Variants in LINGO2 observed in about 807,000 individuals in gnomAD.
LINGO2 encodes the protein leucine rich repeat and Ig domain containing 2.
Under a neutral mutation model 30.6 loss-of-function variants are expected in LINGO2, and 14 were observed. The observed-to-expected ratio is 0.46, with a 90% confidence interval of 0.30 to 0.72. The LOEUF (loss-of-function observed/expected upper bound fraction) is 0.72. Ranked by LOEUF, LINGO2 falls within the 30% of genes least tolerant of loss-of-function variation. The pLI is 0.07. For synonymous variants in LINGO2, 317 were observed against 288.5 expected (o/e 1.10, Z -1.00); for missense variants, 729 against 751.7 (o/e 0.97, Z 0.35).
chr9:28,878,709 A>T, the LINGO2 span, among the ~76,000 whole-genome samples: 1 of 152,180 alleles, frequency 6.6e-6, no homozygotes, highest in African/African-American at 2.4e-5. Context: ...AATGTAATCC[A>T]GCATATAAAC....
At chr9:28,193,985 G>T (rs1462167524) in intron 4 of LINGO2, among the ~76,000 whole-genome samples, 1 of 152,112 alleles carries the variant, frequency 6.6e-6, no homozygotes. Context: ...AAGTGGAATT[G>T]TATGGCATTT....
At chr9:28,144,921 T>C (rs1827771661) in intron 4 of LINGO2, among the ~76,000 whole-genome samples, 1 of 152,198 alleles carries the variant, frequency 6.6e-6, no homozygotes, top group Non-Finnish European at 1.5e-5. Context: ...TCATTTAGTC[T>C]AGTGGGGTGG....
chr9:28,464,293 G>T (rs1288819085), intron 2 of LINGO2, among the ~76,000 whole-genome samples: 1 of 152,102 alleles, frequency 6.6e-6, no homozygotes, highest in East Asian at 1.9e-4. Flanking sequence ...CAAGAAAGTA[G>T]TTATAATCAG....
chr9:28,615,701 T>C (rs1283736082), intron 1 of LINGO2, among the ~76,000 whole-genome samples: 2 of 152,200 alleles, frequency 1.3e-5, no homozygotes, highest in Admixed American at 6.5e-5. Flanking sequence ...TCCACTGGAT[T>C]GGTATCTTTA....
chr9:28,109,211 A>C (rs773565358), intron 4 of LINGO2, among the ~76,000 whole-genome samples: 1 of 152,222 alleles, frequency 6.6e-6, no homozygotes, highest in Admixed American at 6.5e-5. Flanking sequence ...CATGTTAAAA[A>C]CACTCAATAA....
At chr9:29,086,381 G>GTT in the LINGO2 span, among the ~76,000 whole-genome samples, 30,126 of 150,978 alleles carry the variant, frequency 0.2, 3,099 homozygotes, top group South Asian at 0.25. Flanking sequence ...CTTTATCAAG[G>GTT]TTTTTTTTGG....
At chr9:27,959,245 T>TTG (rs142904325) in intron 5 of LINGO2, among the ~76,000 whole-genome samples, 26,906 of 151,930 alleles carry the variant, frequency 0.18, 5,878 homozygotes, top group African/African-American at 0.51. Flanking sequence ...ATTTTCTCTA[T>TTG]TGTGTCTTTT....
chr9:28,960,529 T>C, the LINGO2 span, among the ~76,000 whole-genome samples: 1 of 150,398 alleles, frequency 6.6e-6, no homozygotes, highest in African/African-American at 2.4e-5. Context: ...AAAATGTCTC[T>C]GTGTGTTGTG....
At chr9:28,697,161 C>T in the LINGO2 span, among the ~76,000 whole-genome samples, 2 of 151,918 alleles carry the variant, frequency 1.3e-5, no homozygotes, top group African/African-American at 2.4e-5. Context: ...CATGGGAACT[C>T]ACAAGGCAAC....
At chr9:28,949,700 A>G in the LINGO2 span, among the ~76,000 whole-genome samples, 1 of 152,180 alleles carries the variant, frequency 6.6e-6, no homozygotes, top group South Asian at 2.1e-4. Flanking sequence ...AGCTGGTACC[A>G]TTCCTTCTGA....
At chr9:29,112,527 T>A in the LINGO2 span, among the ~76,000 whole-genome samples, 1 of 152,160 alleles carries the variant, frequency 6.6e-6, no homozygotes, top group Non-Finnish European at 1.5e-5. Flanking sequence ...CCTACCAAAA[T>A]CAGCAGCCCT....
At chr9:28,865,626 T>C in the LINGO2 span, among the ~76,000 whole-genome samples, 3 of 151,722 alleles carry the variant, frequency 2.0e-5, no homozygotes, top group South Asian at 6.2e-4. Flanking sequence ...ACTAGAAAAA[T>C]ACAAGAAATT....
intron 2 of LINGO2, among the ~76,000 whole-genome samples, chr9:28,385,161 GT>G (rs1225910547): frequency 6.6e-6 from 1 of 152,080 alleles, no homozygotes; most frequent in Admixed American, 6.6e-5. Context: ...CTAAGAATAT[GT>G]TTTTATGGCC....
Position 28,148,311 on chromosome 9 carries a change from C to T in LINGO2, c.-86-135906G>A. 1.2e-6 allele frequency: 1 copy of T among 844,220 alleles called. No homozygotes were observed. The highest frequency in any genetic ancestry group is 1.9e-6 in the Non-Finnish European group (1 of 518,992). The allele number at this position is 844,220 out of a possible 1,614,324, so 52.3% of individuals were successfully genotyped here. ...TCAAGGAAGAAACCCATGCTGTCTG[C>T]TCACAACTCCAGGATGTTTGGACAC... On this transcript the variant is annotated intron_variant, in intron 4 of 5. Transcript: ENST00000379992. The surrounding 1 kb of genome is among the most constrained non-coding windows in gnomAD (Gnocchi z 5.1).
the LINGO2 span, among the ~76,000 whole-genome samples, chr9:28,792,049 G>GTA: frequency 3.1e-4 from 47 of 149,328 alleles, no homozygotes; most frequent in South Asian, 4.2e-4. Context: ...TATATGCAGA[G>GTA]TATATATATA....
the LINGO2 span, among the ~76,000 whole-genome samples, chr9:28,957,672 T>C: frequency 1.3e-5 from 2 of 152,176 alleles, no homozygotes; most frequent in Non-Finnish European, 1.5e-5. Flanking sequence ...ATGTGAAATA[T>C]CTGTTCATGT....
At chr9:29,023,677 T>C in the LINGO2 span, among the ~76,000 whole-genome samples, 2 of 152,122 alleles carry the variant, frequency 1.3e-5, no homozygotes, top group African/African-American at 4.8e-5. Context: ...CTACATTCAT[T>C]TTAATCAAGA....
the LINGO2 span, among the ~76,000 whole-genome samples, chr9:28,874,875 G>A: frequency 6.6e-6 from 1 of 152,096 alleles, no homozygotes; most frequent in Non-Finnish European, 1.5e-5. Context: ...ACAACGATGT[G>A]ACAAATATCC....
At chr9:28,323,211 T>TA (rs2134309723) in intron 3 of LINGO2, among the ~76,000 whole-genome samples, 1 of 152,338 alleles carries the variant, frequency 6.6e-6, no homozygotes, top group East Asian at 1.9e-4. Context: ...ATTCACAGTT[T>TA]AAAATCTGTG....
Sources: gnomAD v4.1 joint callset for allele counts (sites outside exome capture counted in the v4.1 genomes callset) on GRCh38, gnomAD v4.1.1 for gene constraint, Gnocchi (gnomAD v3.1) non-coding constraint, MANE v1.5 for transcripts, NCBI Gene and HGNC (gene_info 2026-07-23, HGNC 2026-07-21) for gene names.